Variants in DGKI observed in about 807,000 individuals in gnomAD.
The protein encoded by DGKI is DAG kinase iota.
A neutral mutation model predicts 147.5 loss-of-function variants in DGKI; 55 were observed. The observed-to-expected ratio is 0.37, with a 90% confidence interval of 0.30 to 0.47. DGKI has a LOEUF of 0.47. Ranked by LOEUF, DGKI falls within the 20% of genes least tolerant of loss-of-function variation. The pLI, the probability that DGKI is intolerant of heterozygous loss-of-function variation, is 1.00. For synonymous variants in DGKI, 469 were observed against 477.1 expected (o/e 0.98, Z 0.22); for missense variants, 1,007 against 1,323.8 (o/e 0.76, Z 3.71).
At chr7:137,816,667 T>C (rs1797745316) in intron 1 of DGKI, among the ~76,000 whole-genome samples, 1 of 152,212 alleles carries the variant, frequency 6.6e-6, no homozygotes, top group South Asian at 2.1e-4. Flanking sequence ...AAATGCATAA[T>C]ATAACATTAG....
chr7:137,579,661 A>G (rs1467032438), intron 15 of DGKI, among the ~76,000 whole-genome samples: 1 of 152,068 alleles, frequency 6.6e-6, no homozygotes, highest in Non-Finnish European at 1.5e-5. Context: ...ATTATTTCCA[A>G]TTAACATAAA....
chr7:137,526,817 C>T (rs756734826), intron 20 of DGKI, among the ~76,000 whole-genome samples: 16 of 152,148 alleles, frequency 1.1e-4, no homozygotes, highest in Non-Finnish European at 2.2e-4. Context: ...CCTCAAACGT[C>T]TTCCTCCTTT....
chr7:137,385,234 A>C lies in DGKI; in HGVS notation c.*5986T>G, dbSNP rs1811148951. On this transcript the variant is annotated 3_prime_UTR_variant, in exon 33 of 33. Transcript: ENST00000614521. ...TATGTTTTCTTTTGACTAGCTCTTA[A>C]ATTCATGCTTAGTTTAAAATTTTTT... 1 of 152,026 alleles carries C rather than the reference A, an allele frequency of 6.6e-6. No homozygotes were observed. Among genetic ancestry groups the C allele is most frequent in the African/African-American group, 2.4e-5 (1 of 41,404 alleles). The allele number at this position is 152,026 out of a possible 1,614,324, so 9.4% of individuals were successfully genotyped here.
chr7:137,427,578 C>T (rs1427451268), intron 28 of DGKI, among the ~76,000 whole-genome samples: 3 of 152,080 alleles, frequency 2.0e-5, no homozygotes, highest in Non-Finnish European at 2.9e-5. Context: ...AATAGTGACA[C>T]AAAAAACCCT....
intron 1 of DGKI, among the ~76,000 whole-genome samples, chr7:137,816,179 A>C (rs1369705920): frequency 1.3e-5 from 2 of 152,168 alleles, no homozygotes; most frequent in African/African-American, 4.8e-5. Flanking sequence ...CCAATTCCCA[A>C]GTCACTTAAC....
chr7:137,650,359 A>C (rs1270590473), intron 5 of DGKI, among the ~76,000 whole-genome samples: 1 of 152,178 alleles, frequency 6.6e-6, no homozygotes, highest in African/African-American at 2.4e-5. Context: ...ATATGCATAA[A>C]TTATTATGGT....
At chr7:137,492,188 T>G (rs1334611842) in intron 21 of DGKI, among the ~76,000 whole-genome samples, 1 of 152,170 alleles carries the variant, frequency 6.6e-6, no homozygotes, top group Non-Finnish European at 1.5e-5. Flanking sequence ...GCTTTTATGT[T>G]TCCCACTTTT....
At chr7:137,419,160 A>G (rs944684165) in intron 28 of DGKI, among the ~76,000 whole-genome samples, 3 of 152,206 alleles carry the variant, frequency 2.0e-5, no homozygotes, top group African/African-American at 7.2e-5. Flanking sequence ...GGAGCAGGAC[A>G]GCCAAAAATG....
In DGKI at chr7:137,534,066, TAATTA is replaced by T. The variant is rs1313312094; in HGVS notation, c.2148-12105_2148-12101del. ...CCAGCAAAACTCAGTGGAATTGGTATAATTAAATTGAAGCCCTCCTACAAATGAAA... is the reference window on the plus strand; with the variant it reads ...CCAGCAAAACTCAGTGGAATTGGTATAATTGAAGCCCTCCTACAAATGAAA... On this transcript the variant is annotated intron_variant, in intron 20 of 32. Transcript: ENST00000614521. 3.9e-5 allele frequency among the ~76,000 whole-genome samples: 6 copies of T among 152,250 alleles called. No individual in the cohort carries two copies. The East Asian group carries it at 9.7e-4, about 24-fold the overall frequency.
intron 1 of DGKI, among the ~76,000 whole-genome samples, chr7:137,704,339 GA>G (rs1793941133): frequency 6.6e-6 from 1 of 152,116 alleles, no homozygotes; most frequent in Non-Finnish European, 1.5e-5. Flanking sequence ...GAGCCAAATA[GA>G]AATTCTGAAG....
At position 137,582,434 on chromosome 7, in the gene DGKI, C is replaced by CTCTATA. The variant is rs954743154; in HGVS notation, c.1564-507_1564-506insTATAGA. ...CCATTTTCTCTCTCTCTCTCTCTCT[C>CTCTATA]TATATATATATATATATACACACAC... On this transcript the variant is annotated intron_variant, in intron 14 of 32. Coordinates refer to ENST00000614521, the MANE Select transcript of DGKI (RefSeq NM_001321708.2). 1.4e-3 allele frequency among the ~76,000 whole-genome samples: 207 copies of CTCTATA among 148,432 alleles called. 1 individual carries two copies. In the South Asian group the frequency reaches 0.019, roughly 13 times the overall value.
chr7:137,623,434 A>G (rs545131302), intron 7 of DGKI, 49 bp downstream of exon 7: 2 of 1,544,920 alleles, frequency 1.3e-6, no homozygotes, highest in South Asian at 2.2e-5. Flanking sequence ...ACACAAGTGT[A>G]TTTCGACAAA....
In DGKI at chr7:137,426,632, A is replaced by G. The variant is rs182378964; in HGVS notation, c.2762-14425T>C. ...ACTGGATAAAGACTCAAGACCCATC[A>G]GTGTGCTGTATTCAGGAAACCCATC... On this transcript the variant is annotated intron_variant, in intron 28 of 32. Coordinates refer to ENST00000614521, the MANE Select transcript of DGKI (RefSeq NM_001321708.2). Among the ~76,000 whole-genome samples, 494 of 121,396 alleles carry G rather than the reference A, an allele frequency of 4.1e-3. 7 individuals are homozygous for G. The highest frequency in any genetic ancestry group is 0.028 in the South Asian group (109 of 3,840). The allele number at this position is 121,396 out of a possible 152,430, so 79.6% of individuals were successfully genotyped here.
intron 23 of DGKI, among the ~76,000 whole-genome samples, chr7:137,477,307 T>A (rs1015818881): frequency 6.6e-6 from 1 of 152,240 alleles, no homozygotes; most frequent in African/African-American, 2.4e-5. Context: ...TGGGTAACTT[T>A]GCTGTATGCA....
rs116341546 is a variant in DGKI, at chr7:137,547,107, C to T, written c.2147+5262G>A. On this transcript the variant is annotated intron_variant, in intron 20 of 32. Coordinates refer to ENST00000614521, the MANE Select transcript of DGKI (RefSeq NM_001321708.2). ...TTGTTTCTATTCTCCTTCAATGGCA[C>T]ATTTCAAATAAAGAACATAATCCAG... Among the ~76,000 whole-genome samples, 1,094 of 152,332 alleles carry T rather than the reference C, an allele frequency of 7.2e-3. 10 individuals are homozygous for T. The highest frequency in any genetic ancestry group is 0.02 in the Middle Eastern group (6 of 294).
rs528152902 is a variant in DGKI at position 137,745,781 on chromosome 7, G to C, written c.402-55779C>G. On this transcript the variant is annotated intron_variant, in intron 1 of 32. Transcript: ENST00000614521. The stretch of plus-strand genomic sequence containing the variant: ...GAGAGTTCTCAGCTTAAAAAGGATA[G>C]AAAAAAAAACATATGCTGAGGTTAC... Among the ~76,000 whole-genome samples the C allele has an allele frequency of 1.9e-4, 28 of 150,692 alleles. No individual in the cohort carries two copies. In the South Asian group the frequency reaches 5.5e-3, roughly 29 times the overall value.
At chr7:137,500,629 T>C (rs967202789) in intron 21 of DGKI, among the ~76,000 whole-genome samples, 25 of 152,106 alleles carry the variant, frequency 1.6e-4, no homozygotes, top group African/African-American at 6.0e-4. Context: ...AGATAATAAA[T>C]CAAGCTCAGG....
intron 1 of DGKI, among the ~76,000 whole-genome samples, chr7:137,716,243 A>T (rs895558268): frequency 6.6e-6 from 1 of 152,238 alleles, no homozygotes; most frequent in African/African-American, 2.4e-5. Context: ...GTCTTATTGT[A>T]ATTTTGCGAC....
intron 20 of DGKI, among the ~76,000 whole-genome samples, chr7:137,522,759 TTTAATC>T: frequency 6.6e-6 from 1 of 152,120 alleles, no homozygotes; most frequent in Non-Finnish European, 1.5e-5. Context: ...TTGAAAGTGG[TTTAATC>T]TTGGGCATTA....
Sources: gnomAD v4.1 joint callset for allele counts (sites outside exome capture counted in the v4.1 genomes callset) on GRCh38, gnomAD v4.1.1 for gene constraint, MANE v1.5 for transcripts, NCBI Gene and HGNC (gene_info 2026-07-23, HGNC 2026-07-21) for gene names.